ZFC3H1: variants seen among roughly 807,000 people sequenced by gnomAD.
The protein encoded by ZFC3H1 is zinc finger C3H1 domain-containing protein.
A neutral mutation model predicts 243.7 loss-of-function variants in ZFC3H1; 71 were observed. The ratio of observed to expected loss-of-function variants is 0.29; its 90% CI spans 0.24 to 0.36. The LOEUF (loss-of-function observed/expected upper bound fraction) is 0.36, where lower values mean the gene tolerates loss of function less well. Among genes scored for constraint, ZFC3H1 ranks in the 10% least tolerant of loss-of-function variants. The pLI is 1.00. For missense variants in ZFC3H1, 1,966 were observed against 2,317.1 expected, an observed-to-expected ratio of 0.85 and a Z score of 3.11; for synonymous variants, 838 against 813.0, an observed-to-expected ratio of 1.03 and a Z score of -0.52.
In ZFC3H1 at chr12:71,610,303, T is replaced by C; in HGVS notation, c.*125A>G. On this transcript the variant is annotated 3_prime_UTR_variant, in exon 35 of 35. Transcript: ENST00000378743. ...TGAGGACAGGATATTGTAGGGAACT[T>C]GATATGATCAATAACGCTTGTCTGC... 8.6e-7 allele frequency: 1 copy of C among 1,161,536 alleles called. No homozygotes were observed. Among genetic ancestry groups the C allele is most frequent in the East Asian group, 2.4e-5 (1 of 41,902 alleles). 72.0% of individuals were successfully genotyped at this position (1,161,536 alleles called of 1,614,324 possible). A position where few individuals can be genotyped will look rare whatever the true frequency, so the allele number is the denominator to read the frequency against.
At position 71,615,191 on chromosome 12, in the gene ZFC3H1, C is replaced by G; in HGVS notation, c.5255+15G>C. Reference sequence around the variant, plus strand: ...AGGCCTAGTATGCAATATCTCTCCACAGTGGATGTCTCACCAGTAAATCAG... The same window carrying G: ...AGGCCTAGTATGCAATATCTCTCCAGAGTGGATGTCTCACCAGTAAATCAG... On this transcript the variant is annotated intron_variant, in intron 28 of 34. Transcript: ENST00000378743. 6.4e-7 allele frequency: 1 copy of G among 1,569,662 alleles called. No homozygotes were observed. The highest frequency in any genetic ancestry group is 8.8e-7 in the Non-Finnish European group (1 of 1,142,676).
At position 71,624,197 on chromosome 12, in the gene ZFC3H1, A is replaced by G; in HGVS notation, c.4413T>C (p.Asn1471=). 6.2e-7 allele frequency: 1 copy of G among 1,614,076 alleles called. No individual in the cohort carries two copies. The highest frequency in any genetic ancestry group is 1.3e-5 in the African/African-American group (1 of 75,068). The change falls in exon 23 of 35, where the codon AAT becomes AAC. Residue 1471 remains asparagine, a synonymous_variant. Coordinates refer to ENST00000378743, the MANE Select transcript of ZFC3H1 (RefSeq NM_144982.5). ...LMGAAKQETS[N]ILSFQLLEAL... Reference sequence around the variant, plus strand: ...CCTCTAAAAGCTGAAAGGACAAAATATTGGATGTTTCCTGCTTGGCTGCTC... The same window carrying G: ...CCTCTAAAAGCTGAAAGGACAAAATGTTGGATGTTTCCTGCTTGGCTGCTC...
chr12:71,656,205 G>A (rs1268077015), intron 2 of ZFC3H1: 4 of 197,682 alleles, frequency 2.0e-5, no homozygotes, highest in Non-Finnish European at 4.1e-5. Context: ...GGTAGCTGGT[G>A]ATGGTTACCC....
rs756387987 is a variant in ZFC3H1, at chr12:71,637,055, A to T, written c.1730T>A (p.Leu577Gln). ...SLPPPPQVSSLPPLSQPYVEG... is the reference protein window; with the variant it reads ...SLPPPPQVSSQPPLSQPYVEG... ...CACATAAGGCTGGCTCAAAGGTGGC[A>T]GAGACTATTTTTTAAAAAAAGAAAG... is the stretch of plus-strand genomic sequence containing the variant. Residue 577 changes from leucine (L) to glutamine (Q), a missense_variant, in exon 8 of 35, where the codon CTG (leucine) becomes CAG (glutamine). By Grantham distance (113) the Leu-to-Gln change is moderately radical (BLOSUM62 -2). Around this residue, in one of 4 missense-constraint regions of ZFC3H1, gnomAD observed 1,383 missense variants for 1,723.7 expected, o/e 0.80. Coordinates refer to ENST00000378743, the MANE Select transcript of ZFC3H1 (RefSeq NM_144982.5). 6 of 1,604,480 alleles carry T rather than the reference A, an allele frequency of 3.7e-6. No homozygotes were observed. Among genetic ancestry groups the T allele is most frequent in the South Asian group, 1.1e-5 (1 of 88,944 alleles).
chr12:71,623,038 A>G (rs1880072448), intron 24 of ZFC3H1, among the ~76,000 whole-genome samples: 1 of 152,192 alleles, frequency 6.6e-6, no homozygotes, highest in Admixed American at 6.5e-5. Context: ...CTAAAAAAAA[A>G]AAAAAGTACC....
intron 26 of ZFC3H1, 105 bp downstream of exon 26, chr12:71,619,821 A>G: frequency 9.7e-7 from 1 of 1,025,992 alleles, no homozygotes; most frequent in Non-Finnish European, 1.4e-6. Context: ...AACACCTAAC[A>G]CTGCTTGCAA....
intron 3 of ZFC3H1, among the ~76,000 whole-genome samples, chr12:71,647,005 T>C (rs1400097674): frequency 6.6e-6 from 1 of 152,224 alleles, no homozygotes; most frequent in Non-Finnish European, 1.5e-5. Context: ...AATGTCAACT[T>C]GATTCATAGG....
intron 2 of ZFC3H1, among the ~76,000 whole-genome samples, chr12:71,651,473 T>C (rs1225764477): frequency 6.6e-6 from 1 of 152,224 alleles, no homozygotes; most frequent in African/African-American, 2.4e-5. Flanking sequence ...GACTATTTTG[T>C]TCACCAATTT....
In ZFC3H1 at chr12:71,649,529, G is replaced by A. The variant is rs535228028; in HGVS notation, c.1016-1716C>T. Among the ~76,000 whole-genome samples the A allele has an allele frequency of 5.9e-5, 9 of 151,872 alleles. No individual in the cohort carries two copies. In the South Asian group the frequency reaches 6.2e-4, roughly 11 times the overall value. ...TTCCTATCTTTTTTTTATATGCCAC[G>A]GACAAAGTTTTTGAGTGTTGTTCCT... On this transcript the variant is annotated intron_variant, in intron 2 of 34. Transcript: ENST00000378743.
intron 2 of ZFC3H1, chr12:71,656,362 A>G: frequency 2.2e-6 from 1 of 448,910 alleles, no homozygotes; most frequent in East Asian, 3.4e-5. Flanking sequence ...GGTATATCAT[A>G]AACTGTATTA....
chr12:71,661,267 T>A (rs1263358788), intron 1 of ZFC3H1, among the ~76,000 whole-genome samples: 1 of 151,422 alleles, frequency 6.6e-6, no homozygotes, highest in Non-Finnish European at 1.5e-5. Flanking sequence ...ACCACTGCAC[T>A]CCAGCCTGGG....
chr12:71,656,687 G>A (rs1312186575), intron 2 of ZFC3H1, 198 bp downstream of exon 2: 2 of 610,226 alleles, frequency 3.3e-6, no homozygotes, highest in South Asian at 2.6e-5. Flanking sequence ...CAGAATGTCA[G>A]GCAAAAAATA....
rs781365974 is a variant in ZFC3H1, at chr12:71,632,180, T to C, written c.3152A>G (p.Asn1051Ser). Residue 1051 changes from asparagine to serine, a missense_variant, in exon 15 of 35, where the codon AAT becomes AGT. Asn to Ser is a conservative substitution (Grantham distance 46). This residue lies in a region of ZFC3H1 where 1,383 missense variants were observed against 1,723.7 expected (regional missense o/e 0.80). Coordinates refer to ENST00000378743, the MANE Select transcript of ZFC3H1 (RefSeq NM_144982.5). ...CTTAAGGTTAGGTTTAGTAAAATAA[T>C]TGGATTCTAAAAAAGATCTTCTTCG... ...RERRRSFLES[N>S]YFTKPNLKHT... 1.3e-5 allele frequency: 21 copies of C among 1,603,014 alleles called. No homozygotes were observed. The highest frequency in any genetic ancestry group is 2.7e-5 in the African/African-American group (2 of 74,014).
chr12:71,644,348 A>T, intron 4 of ZFC3H1, 30 bp from the exon 5 acceptor site: 1 of 1,592,674 alleles, frequency 6.3e-7, no homozygotes, highest in Non-Finnish European at 8.5e-7. Context: ...AAACATTAGC[A>T]TCTGTTAGGA....
At chr12:71,653,121 T>C (rs1370099541) in intron 2 of ZFC3H1, among the ~76,000 whole-genome samples, 3 of 152,122 alleles carry the variant, frequency 2.0e-5, no homozygotes, top group Non-Finnish European at 2.9e-5. Context: ...AACAGACCTA[T>C]GGTTAATTTG....
chr12:71,617,710 A>T (rs1381600092), intron 27 of ZFC3H1, among the ~76,000 whole-genome samples: 1 of 152,216 alleles, frequency 6.6e-6, no homozygotes, highest in Non-Finnish European at 1.5e-5. Context: ...GAAGAAACTG[A>T]GTATGGAGAA....
intron 30 of ZFC3H1, 105 bp from the exon 31 acceptor site, chr12:71,613,540 T>C: frequency 1.6e-6 from 1 of 630,114 alleles, no homozygotes; most frequent in Non-Finnish European, 2.7e-6. Context: ...GATATGAATG[T>C]ATAAATTATA....
chr12:71,623,376 C>T lies in ZFC3H1; in HGVS notation c.4728G>A (p.Leu1576=). Reference sequence around the variant, plus strand: ...TATACTTACCTTCAAAAACTGCTAACAACATGTCAGGATTAGTCTTTACAT... The same window carrying T: ...TATACTTACCTTCAAAAACTGCTAATAACATGTCAGGATTAGTCTTTACAT... ...VQDVKTNPDM[L]LAVFEDAVKA... The change falls in exon 24 of 35, where the codon TTG becomes TTA. Residue 1576 remains leucine, a synonymous_variant. Transcript: ENST00000378743. The T allele has an allele frequency of 1.2e-6, 2 of 1,609,748 alleles. No homozygotes were observed. Among genetic ancestry groups the T allele is most frequent in the Non-Finnish European group, 1.7e-6 (2 of 1,178,580 alleles).
At position 71,663,466 on chromosome 12, in the gene ZFC3H1, G is replaced by A. The variant is rs1335926672; in HGVS notation, c.145C>T (p.Leu49=). The change falls in exon 1 of 35, where the codon CTG becomes TTG. Residue 49 remains leucine (L), a synonymous_variant. Transcript: ENST00000378743. Reference sequence around the variant, plus strand: ...GGCCTTCGCCGCGGATAGGGTAACAGCCCGCCGCCGCTGCTGCTGCTGCTG... The same window carrying A: ...GGCCTTCGCCGCGGATAGGGTAACAACCCGCCGCCGCTGCTGCTGCTGCTG... ...RSSSSSSGGG[L]LPYPRRRPPH... is the part of the protein sequence containing the mutation. 12 of 1,612,566 alleles carry A rather than the reference G, an allele frequency of 7.4e-6. No individual in the cohort carries two copies. Among genetic ancestry groups the A allele is most frequent in the Non-Finnish European group, 1.0e-5 (12 of 1,180,028 alleles).
Sources: gnomAD v4.1 joint callset for allele counts (sites outside exome capture counted in the v4.1 genomes callset) on GRCh38, gnomAD v4.1.1 for gene constraint, gnomAD v4.1.1 regional missense constraint, MANE v1.5 for transcripts, NCBI Gene and HGNC (gene_info 2026-07-23, HGNC 2026-07-21) for gene names.